Variants in CXADR observed in about 807,000 individuals in gnomAD.
CXADR encodes coxsackievirus and adenovirus receptor.
CXADR carries 20 observed loss-of-function variants against 40.3 expected under a neutral mutation model. The observed-to-expected ratio is 0.50, with a 90% CI of 0.35 to 0.72. CXADR has a LOEUF of 0.72. CXADR is among the 30% of genes least tolerant of loss of function. CXADR has a pLI of 0.01. For missense variants in CXADR, 332 were observed against 449.1 expected (o/e 0.74, Z 2.36); for synonymous variants, 150 against 161.3 (o/e 0.93, Z 0.53).
intron 3 of CXADR, among the ~76,000 whole-genome samples, chr21:17,553,486 G>C (rs2060995397): frequency 6.6e-6 from 1 of 152,138 alleles, no homozygotes; most frequent in South Asian, 2.1e-4. Context: ...TCTAAAAAAG[G>C]AACCAGGAAA....
At chr21:17,628,461 G>A in the CXADR span, among the ~76,000 whole-genome samples, 35 of 152,052 alleles carry the variant, frequency 2.3e-4, no homozygotes, top group Non-Finnish European at 4.1e-4. Flanking sequence ...AAGAGCTGAC[G>A]TTTCAGATGG....
rs2060487207 is a variant in CXADR, at chr21:17,518,342, AT to A, written c.43+5171del. ...AATACTTCATATTTTGACCAAAAAA[AT>A]ATCCTGAGAGGAAGGCAAAATGCAA... On this transcript the variant is annotated intron_variant, in intron 1 of 6. Coordinates refer to ENST00000284878, the MANE Select transcript of CXADR (RefSeq NM_001338.5). Among the ~76,000 whole-genome samples, 6 of 152,358 alleles carry A rather than the reference AT, an allele frequency of 3.9e-5. No individual in the cohort carries two copies. The South Asian group carries it at 1.0e-3, about 26-fold the overall frequency.
At position 17,568,277 on chromosome 21, in the gene CXADR, C is replaced by T. The variant is rs1485522175; in HGVS notation, c.*2585C>T. On this transcript the variant is annotated 3_prime_UTR_variant, in exon 7 of 7. Coordinates refer to ENST00000284878, the MANE Select transcript of CXADR (RefSeq NM_001338.5). ...CCGAGCAGCTGGGACTACAGGCTCC[C>T]ATCACCACGCTCGGCTAAGTTTTTG... 1.5e-5 allele frequency: 12 copies of T among 788,052 alleles called. No individual in the cohort carries two copies. In the Admixed American group the frequency reaches 1.9e-4, roughly 12 times the overall value. The allele number at this position is 788,052 out of a possible 1,614,324, so 48.8% of individuals were successfully genotyped here. A position where few individuals can be genotyped will look rare whatever the true frequency, so the allele number is the denominator to read the frequency against.
chr21:17,548,746 A>G lies in CXADR; in HGVS notation c.210+1553A>G, dbSNP rs562510098. Among the ~76,000 whole-genome samples, 7 of 152,344 alleles carry G rather than the reference A, an allele frequency of 4.6e-5. No individual in the cohort carries two copies. In the East Asian group the frequency reaches 1.4e-3, roughly 29 times the overall value. On this transcript the variant is annotated intron_variant, in intron 2 of 6. Coordinates refer to ENST00000284878, the MANE Select transcript of CXADR (RefSeq NM_001338.5). Reference sequence around the variant, plus strand: ...GCCCTGAGCCATTAGCGTGTCTGTTAATGAGAAGAAGACTCCAAGTCGTCC... The same window carrying G: ...GCCCTGAGCCATTAGCGTGTCTGTTGATGAGAAGAAGACTCCAAGTCGTCC...
Position 17,581,512 on chromosome 21 carries a change from T to A in CXADR, c.1018-11640T>A, listed in dbSNP as rs547686864. ...ACATGGTTTAAAAGTCTACCTCTCTTTCAATTTGCTCAGTTGAGCATCTTT... is the reference window on the plus strand; with the variant it reads ...ACATGGTTTAAAAGTCTACCTCTCTATCAATTTGCTCAGTTGAGCATCTTT... On this transcript the variant is annotated intron_variant, in intron 7 of 7. Coordinates refer to the CXADR transcript ENST00000400169. Among the ~76,000 whole-genome samples the A allele has an allele frequency of 1.2e-4, 19 of 152,276 alleles. No homozygotes were observed. The South Asian group carries it at 3.7e-3, about 30-fold the overall frequency.
At chr21:17,524,418 TG>T (rs1398597364) in intron 1 of CXADR, among the ~76,000 whole-genome samples, 3 of 150,936 alleles carry the variant, frequency 2.0e-5, no homozygotes, top group Non-Finnish European at 4.4e-5. Flanking sequence ...AAAAATCAGC[TG>T]GGCGTGGTGG....
intron 7 of CXADR, among the ~76,000 whole-genome samples, chr21:17,592,504 T>G (rs1569165625): frequency 6.6e-6 from 1 of 151,928 alleles, no homozygotes; most frequent in Admixed American, 6.6e-5. Flanking sequence ...AAATTCTGTC[T>G]GCTAACTTCA....
At chr21:17,565,402 C>T (rs1222714984) in intron 6 of CXADR, 26 bp from the exon 7 acceptor site, 1 of 1,607,616 alleles carries the variant, frequency 6.2e-7, no homozygotes, top group East Asian at 2.2e-5. Flanking sequence ...ATTCTCTTGA[C>T]ATGTATTGGG....
chr21:17,542,218 T>C (rs2060839118), intron 1 of CXADR, among the ~76,000 whole-genome samples: 1 of 152,256 alleles, frequency 6.6e-6, no homozygotes, highest in South Asian at 2.1e-4. Flanking sequence ...CACTTTCTAA[T>C]GTTTATGACT....
At chr21:17,630,292 G>A in the CXADR span, among the ~76,000 whole-genome samples, 298 of 152,166 alleles carry the variant, frequency 2.0e-3, 1 homozygote, top group African/African-American at 6.6e-3. Flanking sequence ...AATATCCATC[G>A]AGATTTAAAA....
At position 17,551,616 on chromosome 21, in the gene CXADR, A is replaced by G. The variant is rs1049997218; in HGVS notation, c.211-133A>G. On this transcript the variant is annotated intron_variant, in intron 2 of 6. Coordinates refer to ENST00000284878, the MANE Select transcript of CXADR (RefSeq NM_001338.5). ...TTTGGGTAGTTTTATGTTTCCCCAT[A>G]ATACTGTGTTCTTCTTTTTCTTTTC... 3.8e-5 allele frequency: 27 copies of G among 703,118 alleles called. No individual in the cohort carries two copies. The African/African-American group carries it at 4.0e-4, about 10-fold the overall frequency. 43.6% of individuals were successfully genotyped at this position (703,118 alleles called of 1,614,324 possible).
At chr21:17,530,226 A>G (rs1459137844) in intron 1 of CXADR, among the ~76,000 whole-genome samples, 2 of 149,898 alleles carry the variant, frequency 1.3e-5, no homozygotes, top group African/African-American at 2.4e-5. Flanking sequence ...CGGCCTCCCA[A>G]AGTGCTGGGA....
chr21:17,544,171 C>A (rs771104364), intron 1 of CXADR, among the ~76,000 whole-genome samples: 12 of 152,058 alleles, frequency 7.9e-5, no homozygotes, highest in Non-Finnish European at 1.6e-4. Context: ...AAAGAAAAAT[C>A]ATTGTAGGGT....
intron 7 of CXADR, among the ~76,000 whole-genome samples, chr21:17,591,926 A>G (rs2061439919): frequency 6.6e-6 from 1 of 151,944 alleles, no homozygotes. Flanking sequence ...GTTTTATTTC[A>G]TTAGGAATAG....
chr21:17,537,765 T>TA (rs919418765), intron 1 of CXADR, among the ~76,000 whole-genome samples: 43 of 151,192 alleles, frequency 2.8e-4, no homozygotes, highest in South Asian at 1.7e-3. Context: ...TTTGCTCTGC[T>TA]AAAAAAAAAC....
intron 7 of CXADR, among the ~76,000 whole-genome samples, chr21:17,587,069 C>CA (rs1402485221): frequency 6.6e-6 from 1 of 152,178 alleles, no homozygotes; most frequent in Non-Finnish European, 1.5e-5. Context: ...GACATGAACT[C>CA]ATCATTTTTT....
the CXADR span, chr21:17,599,061 ATTTT>A: frequency 0.073 from 27,765 of 379,544 alleles, 1,212 homozygotes; most frequent in African/African-American, 0.12. Flanking sequence ...TCTTTCCCTT[ATTTT>A]CTTTCTACTA....
downstream of CXADR, among the ~76,000 whole-genome samples, chr21:17,572,743 C>T (rs539889205): frequency 6.6e-4 from 68 of 103,518 alleles, 1 homozygote; most frequent in Admixed American, 5.1e-4. Flanking sequence ...AAATTGCAGA[C>T]TTTTAGTGTG....
chr21:17,606,297 A>ATT, the CXADR span, among the ~76,000 whole-genome samples: 3 of 152,140 alleles, frequency 2.0e-5, no homozygotes, highest in South Asian at 6.2e-4. Context: ...CTAGGGTTCA[A>ATT]ATCCAGGCCA....
Sources: allele counts gnomAD v4.1 joint callset (sites outside exome capture counted in the v4.1 genomes callset), GRCh38; gene constraint gnomAD v4.1.1; transcripts MANE v1.5; gene names NCBI Gene and HGNC (gene_info 2026-07-23, HGNC 2026-07-21).